Variants in SLC25A43 observed in about 807,000 individuals in gnomAD.
SLC25A43 encodes solute carrier family 25 member 43.
In SLC25A43, 10 loss-of-function variants were observed where a neutral mutation model predicts 22.8. The observed-to-expected ratio is 0.44, with a 90% CI of 0.27 to 0.74. SLC25A43 has a LOEUF of 0.74. Among genes scored for constraint, SLC25A43 ranks in the 30% least tolerant of loss-of-function variants. The pLI, the probability that SLC25A43 is intolerant of heterozygous loss-of-function variation, is 0.17. For missense variants in SLC25A43, 233 were observed against 279.1 expected (o/e 0.83, Z 1.18); for synonymous variants, 106 against 121.6 (o/e 0.87, Z 0.84).
intron 2 of SLC25A43, among the ~76,000 whole-genome samples, chrX:119,408,584 A>G (rs1263631611): frequency 8.9e-6 from 1 of 112,033 alleles, no homozygotes; most frequent in Non-Finnish European, 1.9e-5. Context: ...AGCTTTCCAG[A>G]CATTTTCTGA....
intron 3 of SLC25A43, among the ~76,000 whole-genome samples, chrX:119,414,230 A>G (rs914853973): frequency 8.9e-6 from 1 of 112,354 alleles, no homozygotes; most frequent in Non-Finnish European, 1.9e-5. Context: ...TTTTGTATTT[A>G]TGTCCTTGCC....
At chrX:119,411,899 A>T (rs774688246) in intron 3 of SLC25A43, among the ~76,000 whole-genome samples, 16 of 111,992 alleles carry the variant, frequency 1.4e-4, no homozygotes, top group Non-Finnish European at 2.3e-4. Flanking sequence ...AAAAAATTCC[A>T]CTTCCATAGG....
intron 4 of SLC25A43, among the ~76,000 whole-genome samples, chrX:119,452,385 G>T (rs1603300038): frequency 1.8e-5 from 2 of 110,411 alleles, no homozygotes; most frequent in South Asian, 7.7e-4. Flanking sequence ...TACTTAATGT[G>T]GAGGTTCATG....
intron 3 of SLC25A43, among the ~76,000 whole-genome samples, chrX:119,416,215 C>T (rs1301250927): frequency 9.4e-6 from 1 of 106,536 alleles, no homozygotes; most frequent in Admixed American, 1.0e-4. Flanking sequence ...TAGAAAAATG[C>T]CTTTTTTTTT....
chrX:119,452,944 T>G lies in SLC25A43; in HGVS notation c.905T>G (p.Leu302Arg), dbSNP rs758351112. ...TGTCTTTATCAAAATGGTTACATTC[T>G]GTCTCCACTGAGCTATAAATTGACC... is the stretch of plus-strand genomic sequence containing the variant. Reference protein sequence around the residue: ...RICLYQNGYILSPLSYKLTPG... With the variant: ...RICLYQNGYIRSPLSYKLTPG... Residue 302 changes from leucine to arginine, a missense_variant, in exon 5 of 5, where the codon CTG becomes CGG. By Grantham distance (102) the Leu-to-Arg change is moderately radical (BLOSUM62 -2). Coordinates refer to ENST00000217909, the MANE Select transcript of SLC25A43 (RefSeq NM_145305.3). 2.3e-5 allele frequency: 28 copies of G among 1,208,495 alleles called. No individual in the cohort carries two copies. The highest frequency in any genetic ancestry group is 3.4e-6 in the Non-Finnish European group (3 of 893,654).
At chrX:119,405,595 C>CAAAA (rs56389948) in intron 1 of SLC25A43, among the ~76,000 whole-genome samples, 2,718 of 51,069 alleles carry the variant, frequency 0.053, 330 homozygotes, top group Non-Finnish European at 0.065. Context: ...CCTATCTCTA[C>CAAAA]AAAAAAAAAA....
intron 3 of SLC25A43, among the ~76,000 whole-genome samples, chrX:119,450,474 A>G (rs1261361347): frequency 8.9e-6 from 1 of 112,089 alleles, no homozygotes; most frequent in Non-Finnish European, 1.9e-5. Context: ...AGGAGCAGAT[A>G]AATAAAGGAA....
At chrX:119,418,100 T>C (rs1425871646) in intron 3 of SLC25A43, among the ~76,000 whole-genome samples, 2 of 111,275 alleles carry the variant, frequency 1.8e-5, no homozygotes, top group Admixed American at 9.7e-5. Context: ...CGGTGATCTC[T>C]GTCCAGTTAA....
At chrX:119,443,116 CTTT>C (rs58081965) in intron 3 of SLC25A43, among the ~76,000 whole-genome samples, 13,864 of 72,512 alleles carry the variant, frequency 0.19, 701 homozygotes, top group African/African-American at 0.27. Flanking sequence ...CATTCTCTCT[CTTT>C]TTTTTTTTTT....
rs775171989 is a variant in SLC25A43, at chrX:119,449,405, C to T, written c.691-2604C>T. On this transcript the variant is annotated intron_variant, in intron 3 of 4. Transcript: ENST00000217909. Reference sequence around the variant, plus strand: ...CTCCAACCTGAGCAACAGAGCGAGACTCTGTCTCAAAAAAAAAAAAAAAAG... The same window carrying T: ...CTCCAACCTGAGCAACAGAGCGAGATTCTGTCTCAAAAAAAAAAAAAAAAG... Among the ~76,000 whole-genome samples, 4 of 67,165 alleles carry T rather than the reference C, an allele frequency of 6.0e-5. No homozygotes were observed. The East Asian group carries it at 1.7e-3, about 28-fold the overall frequency. The allele number at this position is 67,165 out of a possible 115,157, so 58.3% of individuals were successfully genotyped here.
At chrX:119,434,823 TAAAA>T (rs59203398) in intron 3 of SLC25A43, 4 of 95,057 alleles carry the variant, frequency 4.2e-5, no homozygotes, top group African/African-American at 1.6e-4. Context: ...ACATCTCTGT[TAAAA>T]AAAAAAAAAA....
At chrX:119,406,309 G>A in intron 1 of SLC25A43, 151 bp from the exon 2 acceptor site, 2 of 590,241 alleles carry the variant, frequency 3.4e-6, no homozygotes, top group South Asian at 7.9e-5. Context: ...AAATGTAAAT[G>A]TATTATTCAT....
chrX:119,421,903 G>A lies in SLC25A43; in HGVS notation c.690+11541G>A, dbSNP rs764785916. Among the ~76,000 whole-genome samples the A allele has an allele frequency of 4.5e-5, 5 of 111,480 alleles. No individual in the cohort carries two copies. The South Asian group carries it at 1.9e-3, about 42-fold the overall frequency. ...TTATTTTGTTCTAAGAGCTTTGTGG[G>A]TGAATACCACCCACCCCCTTTTTAT... On this transcript the variant is annotated intron_variant, in intron 3 of 4. Transcript: ENST00000217909.
chrX:119,435,490 C>CT (rs2052597559), intron 3 of SLC25A43, among the ~76,000 whole-genome samples: 1 of 47,135 alleles, frequency 2.1e-5, no homozygotes, highest in Non-Finnish European at 3.6e-5. Flanking sequence ...TTATTATACT[C>CT]TAAGTTTTAG....
chrX:119,429,079 T>C (rs921877161), intron 3 of SLC25A43, among the ~76,000 whole-genome samples: 1 of 108,918 alleles, frequency 9.2e-6, no homozygotes, highest in African/African-American at 3.3e-5. Flanking sequence ...TTTTTTTTTT[T>C]TGAGATGGAG....
chrX:119,431,982 C>T (rs2052557094), intron 3 of SLC25A43, among the ~76,000 whole-genome samples: 1 of 109,129 alleles, frequency 9.2e-6, no homozygotes, highest in Non-Finnish European at 1.9e-5. Context: ...GGTGAAATCC[C>T]ATCTCTACTA....
intron 1 of SLC25A43, 85 bp downstream of exon 1, chrX:119,399,763 G>A: frequency 1.1e-6 from 1 of 938,766 alleles, no homozygotes. Context: ...CCTGCTGCCT[G>A]GACTCGGGGC....
At chrX:119,426,126 C>A in intron 3 of SLC25A43, 4 of 589,298 alleles carry the variant, frequency 6.8e-6, no homozygotes, top group Non-Finnish European at 8.2e-6. Flanking sequence ...GGAGGACCCG[C>A]AGCTGGCTGG....
intron 2 of SLC25A43, among the ~76,000 whole-genome samples, chrX:119,409,137 A>G (rs906342399): frequency 3.7e-5 from 4 of 109,118 alleles, no homozygotes; most frequent in Non-Finnish European, 7.6e-5. Context: ...CCCTCCAGCC[A>G]TTCATCAGTC....
Sources: gnomAD v4.1 joint callset for allele counts (sites outside exome capture counted in the v4.1 genomes callset) on GRCh38, gnomAD v4.1.1 for gene constraint, MANE v1.5 for transcripts, NCBI Gene and HGNC (gene_info 2026-07-23, HGNC 2026-07-21) for gene names.